The following CCDC174 variants were observed in gnomAD, a reference collection of about 807,000 sequenced individuals.
The protein encoded by CCDC174 is coiled-coil domain-containing protein 174.
CCDC174 carries 37 observed loss-of-function variants against 57.1 expected under a neutral mutation model. The ratio of observed to expected loss-of-function variants is 0.65; its 90% CI spans 0.50 to 0.85. CCDC174 has a LOEUF of 0.85. Among genes scored for constraint, CCDC174 ranks in the 40% least tolerant of loss-of-function variants. The probability of loss-of-function intolerance (pLI) is 0.00; values close to 1 mark genes in which losing one functional copy is unlikely to be tolerated. For synonymous variants in CCDC174, 182 were observed against 190.2 expected (o/e 0.96, Z 0.35); for missense variants, 540 against 574.3 (o/e 0.94, Z 0.61).
In CCDC174 at chr3:14,654,476, A is replaced by C. The variant is rs776312351; in HGVS notation, c.93A>C (p.Gln31His). Residue 31 changes from glutamine to histidine, a missense_variant, in exon 2 of 11, where the codon CAA becomes CAC. Transcript: ENST00000383794. ...TCCGAAAGCAAGAAGAATTCAAACA[A>C]GAAAAACTTCTAAAAGATTCTGGAG... is the stretch of plus-strand genomic sequence containing the variant. ...ELFRKQEEFK[Q>H]EKLLKDSGVF... 7 of 1,609,010 alleles carry C rather than the reference A, an allele frequency of 4.4e-6. No individual in the cohort carries two copies. In the African/African-American group the frequency reaches 8.0e-5, roughly 18 times the overall value.
At chr3:14,662,698 C>G (rs2031185811) in intron 5 of CCDC174, among the ~76,000 whole-genome samples, 1 of 152,114 alleles carries the variant, frequency 6.6e-6, no homozygotes, top group Non-Finnish European at 1.5e-5. Flanking sequence ...AAATGTCCTC[C>G]TTGTGGTGGG....
intron 9 of CCDC174, among the ~76,000 whole-genome samples, chr3:14,668,746 A>T (rs2031421826): frequency 6.6e-6 from 1 of 152,190 alleles, no homozygotes; most frequent in Non-Finnish European, 1.5e-5. Context: ...ATCAATCTAG[A>T]GACTCCTACA....
At chr3:14,666,715 T>C (rs1411130983) in intron 6 of CCDC174, 90 bp from the exon 7 acceptor site, 5 of 1,008,064 alleles carry the variant, frequency 5.0e-6, no homozygotes, top group Non-Finnish European at 7.1e-6. Flanking sequence ...TATCAAATAG[T>C]GTTACTTATG....
chr3:14,654,631 T>G (rs1015903482), intron 2 of CCDC174, 101 bp downstream of exon 2: 1 of 566,178 alleles, frequency 1.8e-6, no homozygotes, highest in African/African-American at 2.0e-5. Flanking sequence ...TACACATAAA[T>G]GTTAAGGAAA....
intron 3 of CCDC174, among the ~76,000 whole-genome samples, chr3:14,657,946 T>C (rs1263370137): frequency 6.6e-6 from 1 of 152,226 alleles, no homozygotes; most frequent in Non-Finnish European, 1.5e-5. Flanking sequence ...TTTTCTAGTT[T>C]TCTTTTCATT....
intron 4 of CCDC174, among the ~76,000 whole-genome samples, chr3:14,660,662 C>T (rs2031100792): frequency 6.6e-6 from 1 of 152,178 alleles, no homozygotes. Context: ...ATATGTCAGA[C>T]CTGCAAGTTT....
At chr3:14,666,736 C>A in intron 6 of CCDC174, 69 bp from the exon 7 acceptor site, 1 of 1,272,524 alleles carries the variant, frequency 7.9e-7, no homozygotes, top group Non-Finnish European at 1.1e-6. Flanking sequence ...CATGATGCAA[C>A]TGACTGTACT....
At chr3:14,651,935 A>G (rs2030781542) in intron 1 of CCDC174, 57 bp downstream of exon 1, 2 of 1,554,370 alleles carry the variant, frequency 1.3e-6, no homozygotes, top group Non-Finnish European at 1.8e-6. Context: ...TCTCCATCAG[A>G]CAAGAATGTC....
At chr3:14,664,924 G>A in intron 5 of CCDC174, 104 bp from the exon 6 acceptor site, 1 of 787,560 alleles carries the variant, frequency 1.3e-6, no homozygotes, top group South Asian at 1.5e-5. Context: ...GGCTCTTCTT[G>A]GTAGTGAGGC....
chr3:14,658,828 A>G, intron 3 of CCDC174, 43 bp from the exon 4 acceptor site: 1 of 1,526,184 alleles, frequency 6.6e-7, no homozygotes, highest in Non-Finnish European at 8.9e-7. Flanking sequence ...CAGGATGAAC[A>G]GTTATAAGAC....
At position 14,654,544 on chromosome 3, in the gene CCDC174, T is replaced by C. The variant is rs367592796; in HGVS notation, c.147+14T>C. On this transcript the variant is annotated intron_variant, in intron 2 of 10. Coordinates refer to ENST00000383794, the MANE Select transcript of CCDC174 (RefSeq NM_016474.5). ...ACAACTAACAAGGTAAAAAATAAGA[T>C]CTAATTATCTCCATTGGTTCCAAAC... 5.8e-6 allele frequency: 7 copies of C among 1,215,698 alleles called. No homozygotes were observed. Among genetic ancestry groups the C allele is most frequent in the African/African-American group, 3.0e-5 (2 of 66,514 alleles). The allele number at this position is 1,215,698 out of a possible 1,614,324, so 75.3% of individuals were successfully genotyped here.
At chr3:14,652,910 G>A in intron 1 of CCDC174, among the ~76,000 whole-genome samples, 1 of 112,024 alleles carries the variant, frequency 8.9e-6, no homozygotes, top group African/African-American at 3.5e-5. Context: ...CTAAGGGGCG[G>A]GGGGCGGGGG....
chr3:14,667,681 C>T (rs1490960557), intron 8 of CCDC174, among the ~76,000 whole-genome samples, 163 bp downstream of exon 8: 1 of 152,176 alleles, frequency 6.6e-6, no homozygotes, highest in East Asian at 1.9e-4. Context: ...AATTTTATAA[C>T]TGCTCACAAG....
chr3:14,657,651 C>G (rs2030999959), intron 3 of CCDC174, among the ~76,000 whole-genome samples: 1 of 152,216 alleles, frequency 6.6e-6, no homozygotes, highest in African/African-American at 2.4e-5. Flanking sequence ...TCATCCCTGC[C>G]TGTCTCTGTC....
At chr3:14,657,327 A>G (rs1191096919) in intron 3 of CCDC174, among the ~76,000 whole-genome samples, 2 of 151,914 alleles carry the variant, frequency 1.3e-5, no homozygotes, top group Admixed American at 6.6e-5. Flanking sequence ...ATCTGTTAAG[A>G]CTCTTTCTTT....
At chr3:14,661,435 T>G (rs1575070341) in intron 4 of CCDC174, 95 bp from the exon 5 acceptor site, 13 of 1,009,040 alleles carry the variant, frequency 1.3e-5, no homozygotes, top group African/African-American at 4.8e-5. Context: ...CTGTCAGGGG[T>G]GATGGGGCCA....
At position 14,671,262 on chromosome 3, in the gene CCDC174, CT is replaced by C; in HGVS notation, c.*71del. On this transcript the variant is annotated 3_prime_UTR_variant, in exon 11 of 11. Transcript: ENST00000383794. ...CTTTCTCTCCCAGAGGGAGAAATAA[CT>C]TTAGGAACTGAATTGTACCTTTGTC... The C allele has an allele frequency of 7.0e-7, 1 of 1,437,172 alleles. No individual in the cohort carries two copies. The highest frequency in any genetic ancestry group is 9.5e-7 in the Non-Finnish European group (1 of 1,051,088). The allele number at this position is 1,437,172 out of a possible 1,614,324, so 89.0% of individuals were successfully genotyped here.
chr3:14,672,587 GGTCAGCCTAATCATTCT>G lies in CCDC174; in HGVS notation c.*1406_*1422del, dbSNP rs1237073858. 3.3e-5 allele frequency: 5 copies of G among 152,100 alleles called. No individual in the cohort carries two copies. Among genetic ancestry groups the G allele is most frequent in the African/African-American group, 1.2e-4 (5 of 41,400 alleles). 9.4% of individuals were successfully genotyped at this position (152,100 alleles called of 1,614,324 possible). A position where few individuals can be genotyped will look rare whatever the true frequency, so the allele number is the denominator to read the frequency against. On this transcript the variant is annotated 3_prime_UTR_variant, in exon 11 of 11. Coordinates refer to ENST00000383794, the MANE Select transcript of CCDC174 (RefSeq NM_016474.5). ...GGATAAAGTTGCCAGTCCTTTTAAT[GGTCAGCCTAATCATTCT>G]GTCAGCCTAATCGGGTAATTGCTTT... is the stretch of plus-strand genomic sequence containing the variant.
In CCDC174 at chr3:14,671,961, A is replaced by G. The variant is rs548658481; in HGVS notation, c.*767A>G. ...TCGCCCCCATGCTCGGCTTCCTCACATTCAGGAGCCTGACTTGGATCAGAC... is the reference window on the plus strand; with the variant it reads ...TCGCCCCCATGCTCGGCTTCCTCACGTTCAGGAGCCTGACTTGGATCAGAC... On this transcript the variant is annotated 3_prime_UTR_variant, in exon 11 of 11. Coordinates refer to ENST00000383794, the MANE Select transcript of CCDC174 (RefSeq NM_016474.5). 2.0e-5 allele frequency: 3 copies of G among 152,460 alleles called. No individual in the cohort carries two copies. The highest frequency in any genetic ancestry group is 1.9e-4 in the East Asian group (1 of 5,186). 9.4% of individuals were successfully genotyped at this position (152,460 alleles called of 1,614,324 possible). A position where few individuals can be genotyped will look rare whatever the true frequency, so the allele number is the denominator to read the frequency against.
Sources: allele counts gnomAD v4.1 joint callset (sites outside exome capture counted in the v4.1 genomes callset), GRCh38; gene constraint gnomAD v4.1.1; transcripts MANE v1.5; gene names NCBI Gene and HGNC (gene_info 2026-07-23, HGNC 2026-07-21).